CRIM1: variants seen among roughly 807,000 people sequenced by gnomAD.
CRIM1 encodes cysteine-rich motor neuron 1 protein.
A neutral mutation model predicts 116.4 loss-of-function variants in CRIM1; 32 were observed. The ratio of observed to expected loss-of-function variants is 0.27; its 90% CI spans 0.21 to 0.37. The LOEUF is 0.37. Among genes scored for constraint, CRIM1 ranks in the 10% least tolerant of loss-of-function variants. CRIM1 has a pLI of 1.00. For synonymous variants in CRIM1, 590 were observed against 509.2 expected, an observed-to-expected ratio of 1.16 and a Z score of -2.13; for missense variants, 1,331 against 1,354.8, an observed-to-expected ratio of 0.98 and a Z score of 0.28.
intron 2 of CRIM1, among the ~76,000 whole-genome samples, chr2:36,413,968 CA>C (rs1673415028): frequency 6.6e-6 from 1 of 152,208 alleles, no homozygotes; most frequent in African/African-American, 2.4e-5. Context: ...AAATATACAT[CA>C]TAACAGTATG....
rs1253556602 is a variant in CRIM1, at chr2:36,484,115, G to A, written c.1372+4421G>A. Reference sequence around the variant, plus strand: ...CTCATGGGCCTTCCAAGACTGATGTGTATTCTGTGGTTTATTCTGTCCCAG... The same window carrying A: ...CTCATGGGCCTTCCAAGACTGATGTATATTCTGTGGTTTATTCTGTCCCAG... On this transcript the variant is annotated intron_variant, in intron 7 of 16. Coordinates refer to ENST00000280527, the MANE Select transcript of CRIM1 (RefSeq NM_016441.3). Among the ~76,000 whole-genome samples, 3 of 152,160 alleles carry A rather than the reference G, an allele frequency of 2.0e-5. No individual in the cohort carries two copies. In the East Asian group the frequency reaches 5.8e-4, roughly 29 times the overall value.
At chr2:36,487,833 T>C (rs1473761417) in intron 7 of CRIM1, among the ~76,000 whole-genome samples, 1 of 152,218 alleles carries the variant, frequency 6.6e-6, no homozygotes, top group South Asian at 2.1e-4. Flanking sequence ...CATAGTATTT[T>C]TATGACTTCT....
At chr2:36,468,376 T>C (rs1056866821) in intron 5 of CRIM1, among the ~76,000 whole-genome samples, 2 of 152,142 alleles carry the variant, frequency 1.3e-5, no homozygotes, top group Non-Finnish European at 2.9e-5. Context: ...TATTACTTTG[T>C]TTTTGTAGTT....
At chr2:36,409,288 C>T (rs1304909865) in intron 2 of CRIM1, among the ~76,000 whole-genome samples, 3 of 152,142 alleles carry the variant, frequency 2.0e-5, no homozygotes, top group Admixed American at 1.3e-4. Flanking sequence ...CTCTCGTTTC[C>T]ACCAGTAACT....
At chr2:36,439,941 G>GT (rs1675660438) in intron 2 of CRIM1, among the ~76,000 whole-genome samples, 1 of 152,174 alleles carries the variant, frequency 6.6e-6, no homozygotes, top group Non-Finnish European at 1.5e-5. Context: ...GAAGCAACAG[G>GT]TGCTCAGTCA....
chr2:36,462,750 TA>T (rs1677681500), intron 4 of CRIM1, among the ~76,000 whole-genome samples: 1 of 152,210 alleles, frequency 6.6e-6, no homozygotes, highest in Non-Finnish European at 1.5e-5. Flanking sequence ...CATTTATCTA[TA>T]AACTCCAGAG....
intron 6 of CRIM1, among the ~76,000 whole-genome samples, chr2:36,478,028 C>T (rs191771511): frequency 8.2e-4 from 125 of 152,280 alleles, no homozygotes; most frequent in Admixed American, 7.4e-3. Flanking sequence ...TAATCTTATG[C>T]CTGATCTCTG....
intron 1 of CRIM1, among the ~76,000 whole-genome samples, chr2:36,394,109 T>C (rs1671830710): frequency 6.6e-6 from 1 of 152,112 alleles, no homozygotes; most frequent in Non-Finnish European, 1.5e-5. Context: ...TGGGAAGGGA[T>C]GTTTACTGTG....
intron 13 of CRIM1, chr2:36,531,713 T>G (rs1017153): frequency 0.19 from 62,706 of 323,432 alleles, 7,268 homozygotes; most frequent in Non-Finnish European, 0.25. Context: ...TTTCAAGGCC[T>G]TGCCGCTTCT....
intron 12 of CRIM1, among the ~76,000 whole-genome samples, chr2:36,521,343 C>T (rs951209625): frequency 1.3e-5 from 2 of 152,042 alleles, no homozygotes; most frequent in Non-Finnish European, 2.9e-5. Flanking sequence ...AATGTGAATT[C>T]CTGAACATTG....
At chr2:36,450,994 T>C (rs1382231267) in intron 4 of CRIM1, among the ~76,000 whole-genome samples, 1 of 152,200 alleles carries the variant, frequency 6.6e-6, no homozygotes, top group Non-Finnish European at 1.5e-5. Context: ...GAATGGAATC[T>C]TTGGCAGGTT....
chr2:36,415,605 A>G (rs994783153), intron 2 of CRIM1, among the ~76,000 whole-genome samples: 21 of 152,124 alleles, frequency 1.4e-4, no homozygotes, highest in African/African-American at 3.6e-4. Flanking sequence ...TGCATCTACT[A>G]TTTCAGGCAT....
At position 36,356,731 on chromosome 2, in the gene CRIM1, T is replaced by C; in HGVS notation, c.331+108T>C. On this transcript the variant is annotated intron_variant, in intron 1 of 16. Coordinates refer to ENST00000280527, the MANE Select transcript of CRIM1 (RefSeq NM_016441.3). This position sits in a 1 kb window ranked among gnomAD's most constrained non-coding sequence, Gnocchi z 4.3. ...AGACTTTCTGGAGGAAAGAGGGCTC[T>C]GCGGGAAGAGGGGCGGCCGCCGCCC... The C allele has an allele frequency of 8.7e-7, 1 of 1,152,626 alleles. No individual in the cohort carries two copies. The highest frequency in any genetic ancestry group is 1.2e-6 in the Non-Finnish European group (1 of 834,050). 71.4% of individuals were successfully genotyped at this position (1,152,626 alleles called of 1,614,324 possible).
chr2:36,505,418 A>C (rs1681323698), intron 8 of CRIM1, among the ~76,000 whole-genome samples: 1 of 121,556 alleles, frequency 8.2e-6, no homozygotes, highest in South Asian at 3.2e-4. Flanking sequence ...CTAAATAAAG[A>C]CCTAAAACAT....
At chr2:36,385,144 C>CT (rs1298851014) in intron 1 of CRIM1, among the ~76,000 whole-genome samples, 1 of 150,398 alleles carries the variant, frequency 6.6e-6, no homozygotes, top group Non-Finnish European at 1.5e-5. Context: ...GAAGATATTT[C>CT]TTTGTAGACC....
rs1042092823 is a variant in CRIM1, at chr2:36,550,963, C to T, written c.*2262C>T. 1.3e-4 allele frequency: 20 copies of T among 152,396 alleles called. No homozygotes were observed. 9.4% of individuals were successfully genotyped at this position (152,396 alleles called of 1,614,324 possible). A position where few individuals can be genotyped will look rare whatever the true frequency, so the allele number is the denominator to read the frequency against. ...TATCTATTACTCTTTTACTTTGGTT[C>T]CTGTTGTGCTCTTGTAAAAGAAAAA... On this transcript the variant is annotated 3_prime_UTR_variant, in exon 17 of 17. Transcript: ENST00000280527.
At chr2:36,538,084 A>C (rs999252457) in intron 14 of CRIM1, among the ~76,000 whole-genome samples, 5 of 152,128 alleles carry the variant, frequency 3.3e-5, no homozygotes, top group Non-Finnish European at 7.4e-5. Flanking sequence ...TTCCACACTT[A>C]ACGCAACCAC....
At chr2:36,431,049 G>A (rs928029865) in intron 2 of CRIM1, among the ~76,000 whole-genome samples, 4 of 152,094 alleles carry the variant, frequency 2.6e-5, no homozygotes, top group African/African-American at 9.7e-5. Flanking sequence ...AAAACTTTTG[G>A]CATGTAAGAG....
chr2:36,478,026 T>C (rs201947908), intron 6 of CRIM1, among the ~76,000 whole-genome samples: 4 of 152,216 alleles, frequency 2.6e-5, no homozygotes, highest in East Asian at 3.9e-4. Flanking sequence ...GTTAATCTTA[T>C]GCCTGATCTC....
Sources: gnomAD v4.1 joint callset for allele counts (sites outside exome capture counted in the v4.1 genomes callset) on GRCh38, gnomAD v4.1.1 for gene constraint, Gnocchi (gnomAD v3.1) non-coding constraint, MANE v1.5 for transcripts, NCBI Gene and HGNC (gene_info 2026-07-23, HGNC 2026-07-21) for gene names.